Variants in PPFIA2 observed in about 807,000 individuals in gnomAD.
PPFIA2 encodes PPFI scaffold protein A2, also known as liprin-alpha-2.
PPFIA2 carries 46 observed loss-of-function variants against 175.5 expected under a neutral mutation model. The ratio of observed to expected loss-of-function variants is 0.26; its 90% confidence interval spans 0.21 to 0.34. The LOEUF is 0.34. PPFIA2 is among the 10% of genes least tolerant of loss of function. The pLI, the probability that PPFIA2 is intolerant of heterozygous loss-of-function variation, is 1.00. For missense variants in PPFIA2, 1,179 were observed against 1,506.1 expected, an observed-to-expected ratio of 0.78 and a Z score of 3.60; for synonymous variants, 568 against 511.4, an observed-to-expected ratio of 1.11 and a Z score of -1.49.
At chr12:81,508,324 C>T (rs573795159) in intron 4 of PPFIA2, among the ~76,000 whole-genome samples, 1 of 151,874 alleles carries the variant, frequency 6.6e-6, no homozygotes, top group East Asian at 2.0e-4. Context: ...GAGGTCGAGA[C>T]CAGCCTGACC....
At chr12:81,299,451 AAT>A in intron 22 of PPFIA2, 69 bp from the exon 23 acceptor site, 1 of 1,495,870 alleles carries the variant, frequency 6.7e-7, no homozygotes, top group African/African-American at 1.4e-5. Flanking sequence ...TTTTAATGAT[AAT>A]ATTTTAAAAT....
chr12:81,647,452 C>T lies in PPFIA2; in HGVS notation c.303+29339G>A, dbSNP rs1168846569. On this transcript the variant is annotated intron_variant, in intron 4 of 32. Transcript: ENST00000549396. ...AGAGGAAAAGCGTAACCAGAAAAATCGTAGTAAAATTATTAAAAACCAAAT... is the reference window on the plus strand; with the variant it reads ...AGAGGAAAAGCGTAACCAGAAAAATTGTAGTAAAATTATTAAAAACCAAAT... Among the ~76,000 whole-genome samples the T allele has an allele frequency of 5.3e-5, 8 of 151,962 alleles. No individual in the cohort carries two copies. The East Asian group carries it at 7.7e-4, about 15-fold the overall frequency.
intron 4 of PPFIA2, among the ~76,000 whole-genome samples, chr12:81,458,067 G>A (rs1403967548): frequency 6.6e-6 from 1 of 152,084 alleles, no homozygotes; most frequent in Non-Finnish European, 1.5e-5. Context: ...TTTTATTACA[G>A]TACACTGCTT....
chr12:81,283,155 C>T lies in PPFIA2; in HGVS notation c.2989-116G>A, dbSNP rs1565901546. The T allele has an allele frequency of 1.7e-5, 17 of 978,984 alleles. No individual in the cohort carries two copies. In the East Asian group the frequency reaches 4.3e-4, roughly 25 times the overall value. The allele number at this position is 978,984 out of a possible 1,614,324, so 60.6% of individuals were successfully genotyped here. A position where few individuals can be genotyped will look rare whatever the true frequency, so the allele number is the denominator to read the frequency against. On this transcript the variant is annotated intron_variant, in intron 25 of 32. Coordinates refer to ENST00000549396, the MANE Select transcript of PPFIA2 (RefSeq NM_003625.5). ...TTGTTATACAAAATATTTTGTATAA[C>T]AGGTAGAATAAACACACAGATTCAT...
chr12:81,479,459 T>G (rs1593648327), intron 4 of PPFIA2, among the ~76,000 whole-genome samples: 1 of 152,188 alleles, frequency 6.6e-6, no homozygotes, highest in African/African-American at 2.4e-5. Flanking sequence ...GAATTTAATC[T>G]TGTCATTATG....
intron 3 of PPFIA2, among the ~76,000 whole-genome samples, chr12:81,700,151 T>C (rs921624303): frequency 6.6e-6 from 1 of 152,060 alleles, no homozygotes; most frequent in African/African-American, 2.4e-5. Flanking sequence ...CCATATATCT[T>C]CATACTCTGT....
chr12:81,369,472 C>G, intron 11 of PPFIA2: 1 of 1,248,940 alleles, frequency 8.0e-7, no homozygotes, highest in Non-Finnish European at 1.0e-6. Flanking sequence ...TGAACACAAA[C>G]CTGCCATTGT....
At chr12:81,663,590 TATC>T (rs1171816072) in intron 4 of PPFIA2, among the ~76,000 whole-genome samples, 6 of 152,126 alleles carry the variant, frequency 3.9e-5, no homozygotes, top group Non-Finnish European at 8.8e-5. Context: ...GAAGAATCAA[TATC>T]ATGAAAATGG....
At chr12:81,515,701 C>T (rs2062341666) in intron 4 of PPFIA2, among the ~76,000 whole-genome samples, 1 of 152,060 alleles carries the variant, frequency 6.6e-6, no homozygotes, top group Admixed American at 6.6e-5. Context: ...CACATTTTCT[C>T]TTTTTGAATA....
At chr12:81,371,368 A>G (rs1164440981) in intron 11 of PPFIA2, among the ~76,000 whole-genome samples, 2 of 140,662 alleles carry the variant, frequency 1.4e-5, no homozygotes, top group African/African-American at 5.2e-5. Context: ...CTAAATTCAT[A>G]AAGATATCTG....
chr12:81,524,086 T>A (rs1049198743), intron 4 of PPFIA2, among the ~76,000 whole-genome samples: 3 of 152,154 alleles, frequency 2.0e-5, no homozygotes, highest in African/African-American at 7.2e-5. Flanking sequence ...ACTACCTCCA[T>A]CTTGTTTTCA....
chr12:81,364,288 G>A (rs935631100), intron 14 of PPFIA2, among the ~76,000 whole-genome samples: 51 of 151,766 alleles, frequency 3.4e-4, no homozygotes, highest in African/African-American at 1.2e-3. Flanking sequence ...ACTCAGGAAT[G>A]GTAGTCCTAA....
intron 3 of PPFIA2, among the ~76,000 whole-genome samples, chr12:81,722,154 T>C (rs920863659): frequency 1.3e-5 from 2 of 151,058 alleles, no homozygotes; most frequent in African/African-American, 4.8e-5. Context: ...ATGCAATATA[T>C]AAAGTAGATA....
chr12:81,356,350 T>C (rs191027171), intron 16 of PPFIA2, among the ~76,000 whole-genome samples: 8 of 152,134 alleles, frequency 5.3e-5, no homozygotes, highest in African/African-American at 1.9e-4. Flanking sequence ...GATATAATAA[T>C]AATAATAAAA....
chr12:81,322,665 C>G (rs1403055421), intron 22 of PPFIA2, among the ~76,000 whole-genome samples: 2 of 152,066 alleles, frequency 1.3e-5, no homozygotes, highest in Non-Finnish European at 2.9e-5. Context: ...AAAAGTACAG[C>G]AAAGATGAGG....
At chr12:81,411,477 T>G (rs1483602434) in intron 7 of PPFIA2, among the ~76,000 whole-genome samples, 1 of 152,068 alleles carries the variant, frequency 6.6e-6, no homozygotes, top group Non-Finnish European at 1.5e-5. Context: ...TTCATATCCT[T>G]GCCTCTGTCA....
intron 4 of PPFIA2, among the ~76,000 whole-genome samples, chr12:81,488,081 G>A (rs2059023529): frequency 1.3e-5 from 2 of 151,814 alleles, no homozygotes; most frequent in Admixed American, 1.3e-4. Flanking sequence ...GTTTTCCTAT[G>A]TAACATTACT....
chr12:81,313,459 G>GA (rs943552766), intron 22 of PPFIA2, among the ~76,000 whole-genome samples: 15 of 151,932 alleles, frequency 9.9e-5, no homozygotes, highest in African/African-American at 1.7e-4. Flanking sequence ...TCGGCACTTT[G>GA]AAAAAAATGC....
chr12:81,339,151 G>A, intron 21 of PPFIA2, 29 bp downstream of exon 21: 1 of 1,499,154 alleles, frequency 6.7e-7, no homozygotes, highest in Admixed American at 2.2e-5. Flanking sequence ...ATGAGTGGCA[G>A]TGGAAAGTCT....
Sources: gnomAD v4.1 joint callset for allele counts (sites outside exome capture counted in the v4.1 genomes callset) on GRCh38, gnomAD v4.1.1 for gene constraint, MANE v1.5 for transcripts, NCBI Gene and HGNC (gene_info 2026-07-23, HGNC 2026-07-21) for gene names.